The following SERPINA9 variants were observed in gnomAD, a reference collection of about 807,000 sequenced individuals.
SERPINA9 encodes the protein serpin A9.
Under a neutral mutation model 24.5 loss-of-function variants are expected in SERPINA9, and 32 were observed. The ratio of observed to expected loss-of-function variants is 1.30; its 90% CI spans 0.98 to 1.75. SERPINA9 has a LOEUF of 1.75. Among genes scored for constraint, SERPINA9 ranks in the 40% most tolerant of loss-of-function variants. SERPINA9 has a pLI of 0.00. For synonymous variants in SERPINA9, 233 were observed against 197.7 expected (o/e 1.18, Z -1.50); for missense variants, 594 against 497.1 (o/e 1.19, Z -1.85).
chr14:94,473,433 C>G (rs754942688), intron 1 of SERPINA9, among the ~76,000 whole-genome samples: 2 of 148,688 alleles, frequency 1.3e-5, no homozygotes, highest in Non-Finnish European at 3.0e-5. Context: ...ACAGGAGAAT[C>G]ACTTGAACCC....
chr14:94,475,946 C>G, intron 1 of SERPINA9, 190 bp downstream of exon 1: 1 of 740,472 alleles, frequency 1.4e-6, no homozygotes, highest in Admixed American at 2.6e-5. Context: ...CACTGGTCCA[C>G]TCCAGCCTGG....
rs2139797025 is a variant in SERPINA9, at chr14:94,464,742, C to T, written c.1015G>A (p.Gly339Arg). 6.2e-7 allele frequency: 1 copy of T among 1,613,796 alleles called. No individual in the cohort carries two copies. The highest frequency in any genetic ancestry group is 8.5e-7 in the Non-Finnish European group (1 of 1,179,766). Residue 339 changes from glycine (G) to arginine (R), a missense_variant, in exon 4 of 5, where the codon GGA (glycine) becomes AGA (arginine). Transcript: ENST00000674397. ...NVFDKNADFS[G>R]IAKRDSLQVS... ...TGCAGGGAGTCTCTCTTTGCAATTC[C>T]AGAAAAATCAGCATTTTTGTCAAAG...
chr14:94,467,365 AG>A lies in SERPINA9; in HGVS notation c.645del (p.His217ThrfsTer23). ...HIFFKAKWEKPFHPEYTRKNF... is the reference protein window; with the variant it reads ...HIFFKAKWEKXFHPEYTRKNF... ...TTCTTTCTTGTATATTCAGGGTGAA[AG>A]GGCTTCTCCCACTTGGCTAGCACAA... On this transcript the variant is annotated frameshift_variant, in exon 3 of 5. Coordinates refer to ENST00000674397, the MANE Select transcript of SERPINA9 (RefSeq NM_175739.4). LOFTEE classifies it high-confidence loss of function. The A allele has an allele frequency of 6.2e-7, 1 of 1,609,374 alleles. No homozygotes were observed. Among genetic ancestry groups the A allele is most frequent in the Non-Finnish European group, 8.5e-7 (1 of 1,176,236 alleles).
rs766298331 is a variant in SERPINA9, at chr14:94,467,297, G to A, written c.714C>T (p.Pro238=). 7.4e-6 allele frequency: 12 copies of A among 1,613,942 alleles called. No homozygotes were observed. The highest frequency in any genetic ancestry group is 1.6e-4 in the Middle Eastern group (1 of 6,084). ...LVGEQVTVHV[P]MMHQKEQFAF... ...CGAACTGCTCTTTCTGGTGCATCATGGGGACATGCACAGTGACCTGCTCGC... is the reference window on the plus strand; with the variant it reads ...CGAACTGCTCTTTCTGGTGCATCATAGGGACATGCACAGTGACCTGCTCGC... The change falls in exon 3 of 5, where the codon CCC becomes CCT. Residue 238 remains proline, a synonymous_variant. Transcript: ENST00000674397.
intron 4 of SERPINA9, chr14:94,464,270 CCTCTCTCTCTCTCTCTCTCTCT>C (rs71129684): frequency 7.4e-5 from 4 of 54,420 alleles, no homozygotes; most frequent in Admixed American, 2.1e-4. Context: ...CTTTAAAACT[CCTCTCTCTCTCTCTCTCTCTCT>C]CTCTCTCTCT....
intron 3 of SERPINA9, among the ~76,000 whole-genome samples, chr14:94,465,313 C>A (rs1212448019): frequency 6.6e-6 from 1 of 152,196 alleles, no homozygotes; most frequent in Non-Finnish European, 1.5e-5. Context: ...GTACGGTAGC[C>A]ATTAGCCATG....
chr14:94,471,805 A>G (rs1210178357), intron 1 of SERPINA9, among the ~76,000 whole-genome samples: 1 of 151,656 alleles, frequency 6.6e-6, no homozygotes, highest in East Asian at 1.9e-4. Flanking sequence ...ACTGATGGCC[A>G]CTCTGCACTC....
chr14:94,475,947 T>C (rs1899618600), intron 1 of SERPINA9, 189 bp downstream of exon 1: 4 of 744,042 alleles, frequency 5.4e-6, no homozygotes, highest in South Asian at 1.8e-5. Context: ...ACTGGTCCAC[T>C]CCAGCCTGGC....
At chr14:94,466,978 T>C in intron 3 of SERPINA9, 131 bp downstream of exon 3, 2 of 1,007,580 alleles carry the variant, frequency 2.0e-6, no homozygotes, top group Non-Finnish European at 1.5e-6. Flanking sequence ...CCCCAGGCTC[T>C]CTGTCCTGCA....
chr14:94,463,136 C>T lies in SERPINA9; in HGVS notation c.1211G>A (p.Gly404Asp), dbSNP rs1296752288. 2.5e-6 allele frequency: 4 copies of T among 1,614,198 alleles called. No individual in the cohort carries two copies. The East Asian group carries it at 8.9e-5, about 36-fold the overall frequency. ...LMMITNKATD[G>D]ILFLGKVENP... ...TTCCACTTTCCCTAGAAAGAGAATA[C>T]CGTCTGTGGCTTTATTTGTAATCAT... is the stretch of plus-strand genomic sequence containing the variant. Residue 404 changes from glycine (G) to aspartate (D), a missense_variant, in exon 5 of 5, where the codon GGT (glycine) becomes GAT (aspartate). Transcript: ENST00000674397.
chr14:94,467,428 G>C, intron 2 of SERPINA9, 46 bp from the exon 3 acceptor site: 1 of 1,524,608 alleles, frequency 6.6e-7, no homozygotes, highest in South Asian at 1.3e-5. Flanking sequence ...AGTACAATTA[G>C]TGAGGCAAAG....
In SERPINA9 at chr14:94,475,956, G is replaced by T. The variant is rs959786377; in HGVS notation, c.-18+180C>A. Reference sequence around the variant, plus strand: ...TCACTCACTGGTCCACTCCAGCCTGGCTTCTGTATCCACAAAAATGTGACC... The same window carrying T: ...TCACTCACTGGTCCACTCCAGCCTGTCTTCTGTATCCACAAAAATGTGACC... On this transcript the variant is annotated intron_variant, in intron 1 of 4. Transcript: ENST00000674397. 4.7e-5 allele frequency: 38 copies of T among 802,820 alleles called. No individual in the cohort carries two copies. In the East Asian group the frequency reaches 9.5e-4, roughly 20 times the overall value. The allele number at this position is 802,820 out of a possible 1,614,324, so 49.7% of individuals were successfully genotyped here.
chr14:94,466,230 T>C (rs1898998864), intron 3 of SERPINA9, among the ~76,000 whole-genome samples: 1 of 152,198 alleles, frequency 6.6e-6, no homozygotes, highest in African/African-American at 2.4e-5. Context: ...TGCTGTGTCC[T>C]CTACCAAAGC....
chr14:94,469,009 A>G (rs1028378087), intron 2 of SERPINA9, among the ~76,000 whole-genome samples: 9 of 152,160 alleles, frequency 5.9e-5, no homozygotes, highest in African/African-American at 2.2e-4. Context: ...CCCAAAGAGA[A>G]CTAAATGAGT....
At position 94,469,441 on chromosome 14, in the gene SERPINA9, T is replaced by A. The variant is rs1358239157; in HGVS notation, c.400A>T (p.Ser134Cys). Residue 134 changes from serine to cysteine, a missense_variant, in exon 2 of 5, where the codon AGT becomes TGT. Transcript: ENST00000674397. ...PSKDLTLKMG[S>C]ALFVKKELQL... The stretch of plus-strand genomic sequence containing the variant: ...AGCTCCTTCTTGACGAAGAGGGCAC[T>A]TCCCATCTTCAAGGTCAGGTCTTTG... 1 of 1,614,198 alleles carries A rather than the reference T, an allele frequency of 6.2e-7. No individual in the cohort carries two copies. The highest frequency in any genetic ancestry group is 1.7e-5 in the Admixed American group (1 of 60,034).
chr14:94,475,925 TCCAA>T, intron 1 of SERPINA9: 1 of 630,164 alleles, frequency 1.6e-6, no homozygotes, highest in Non-Finnish European at 2.8e-6. Flanking sequence ...TGGCCTTACC[TCCAA>T]CTCACTCACT....
In SERPINA9 at chr14:94,463,016, C is replaced by T; in HGVS notation, c.*77G>A. On this transcript the variant is annotated 3_prime_UTR_variant, in exon 5 of 5. Transcript: ENST00000674397. ...GCTCCACTGGGGTCAAATGCACCCT[C>T]AGAACAGAAAGAGGGATGTGGTTTG... 1 of 1,305,602 alleles carries T rather than the reference C, an allele frequency of 7.7e-7. No individual in the cohort carries two copies. The highest frequency in any genetic ancestry group is 1.1e-6 in the Non-Finnish European group (1 of 902,876). The allele number at this position is 1,305,602 out of a possible 1,614,324, so 80.9% of individuals were successfully genotyped here.
intron 1 of SERPINA9, among the ~76,000 whole-genome samples, chr14:94,474,840 G>T (rs78435280): frequency 6.6e-6 from 1 of 151,940 alleles, no homozygotes; most frequent in Non-Finnish European, 1.5e-5. Flanking sequence ...ATCTCCAAGC[G>T]CTCCTCCACC....
At chr14:94,474,515 T>A (rs909671657) in intron 1 of SERPINA9, among the ~76,000 whole-genome samples, 1 of 152,064 alleles carries the variant, frequency 6.6e-6, no homozygotes, top group Non-Finnish European at 1.5e-5. Flanking sequence ...GGCCCCCAGG[T>A]CATTGCTCTC....
Sources: gnomAD v4.1 joint callset for allele counts (sites outside exome capture counted in the v4.1 genomes callset) on GRCh38, gnomAD v4.1.1 for gene constraint, MANE v1.5 for transcripts, NCBI Gene and HGNC (gene_info 2026-07-23, HGNC 2026-07-21) for gene names.